ZNF600: variants seen among roughly 807,000 people sequenced by gnomAD.
ZNF600 encodes zinc finger protein 600, also known as zinc finger protein KR-ZNF1.
A neutral mutation model predicts 7.3 loss-of-function variants in ZNF600; 4 were observed. The observed-to-expected ratio is 0.55, with a 90% confidence interval of 0.27 to 1.25. ZNF600 has a LOEUF of 1.25. Among genes scored for constraint, ZNF600 ranks in the 50% most tolerant of loss-of-function variants. ZNF600 has a pLI of 0.12. For synonymous variants in ZNF600, 290 were observed against 308.9 expected (o/e 0.94, Z 0.64); for missense variants, 911 against 922.1 (o/e 0.99, Z 0.16).
the ZNF600 span, among the ~76,000 whole-genome samples, chr19:52,812,253 G>A: frequency 1.4e-5 from 2 of 138,732 alleles, no homozygotes; most frequent in Non-Finnish European, 3.0e-5. Context: ...CCACGACCCC[G>A]TCTGGGAGGT....
At chr19:52,810,143 G>T in the ZNF600 span, 2 of 903,900 alleles carry the variant, frequency 2.2e-6, no homozygotes, top group East Asian at 2.4e-5. Flanking sequence ...AGGGTGACCC[G>T]GGGCTGGAAG....
At chr19:52,786,562 A>T (rs544110119) in intron 1 of ZNF600, 33 bp downstream of exon 1, 1 of 169,426 alleles carries the variant, frequency 5.9e-6, no homozygotes, top group Non-Finnish European at 1.3e-5. Context: ...GAGCGACTTC[A>T]AACCCAAAAG....
chr19:52,832,050 T>C, the ZNF600 span, among the ~76,000 whole-genome samples: 2 of 141,058 alleles, frequency 1.4e-5, no homozygotes, highest in African/African-American at 5.1e-5. Context: ...ACCATGGGCT[T>C]ATCCATCCAC....
the ZNF600 span, chr19:52,807,815 A>G: frequency 3.0e-6 from 3 of 989,102 alleles, no homozygotes; most frequent in African/African-American, 3.3e-5. Flanking sequence ...TGGAAGCTCC[A>G]CTGAGCTATC....
chr19:52,827,815 G>A, the ZNF600 span, among the ~76,000 whole-genome samples: 1 of 152,008 alleles, frequency 6.6e-6, no homozygotes, highest in Admixed American at 6.6e-5. Context: ...AAAGTGCTGG[G>A]ATAACAGGCG....
chr19:52,833,511 G>A, the ZNF600 span, among the ~76,000 whole-genome samples: 5 of 152,174 alleles, frequency 3.3e-5, no homozygotes, highest in Non-Finnish European at 5.9e-5. Flanking sequence ...AGAAAGGAAA[G>A]AGACAGATTA....
chr19:52,765,545 A>G (rs1185983340), exon 4 of ZNF600: 2 of 1,612,898 alleles, frequency 1.2e-6, no homozygotes, highest in Non-Finnish European at 1.7e-6. Flanking sequence ...AATGATTTGC[A>G]ATGGTTGTAG....
At chr19:52,807,666 G>A in the ZNF600 span, among the ~76,000 whole-genome samples, 1 of 152,082 alleles carries the variant, frequency 6.6e-6, no homozygotes, top group Non-Finnish European at 1.5e-5. Context: ...GTACAGACAG[G>A]GTTTCTGCAT....
chr19:52,765,669 C>A (rs770562776), exon 4 of ZNF600: 3 of 1,614,038 alleles, frequency 1.9e-6, no homozygotes, highest in Non-Finnish European at 2.5e-6. Context: ...ACACTCATTA[C>A]ACTTGTAAGG....
chr19:52,782,890 A>G (rs559582272), intron 1 of ZNF600, among the ~76,000 whole-genome samples: 1 of 152,306 alleles, frequency 6.6e-6, no homozygotes, highest in African/African-American at 2.4e-5. Flanking sequence ...TAAAAAATAA[A>G]TAAATAAATA....
At chr19:52,817,824 G>C in the ZNF600 span, 6 of 1,560,572 alleles carry the variant, frequency 3.8e-6, no homozygotes, top group East Asian at 2.3e-5. Context: ...GGAAGGCATG[G>C]GTGAGGGTGA....
At chr19:52,817,927 C>T in the ZNF600 span, 106 of 1,610,110 alleles carry the variant, frequency 6.6e-5, no homozygotes, top group African/African-American at 9.5e-4. Flanking sequence ...AGCAATCCAC[C>T]GAGAATACCA....
rs755160348 is a variant in ZNF600 at position 52,766,726 on chromosome 19, G to A, written c.1237C>T (p.Gln413Ter). Residue 413 changes from glutamine to a stop codon, truncating the protein, a stop_gained, in exon 4 of 4, where the codon CAG becomes TAG. Transcript: ENST00000648973. LOFTEE classifies it low-confidence loss of function (END_TRUNC). Reference sequence around the variant, plus strand: ...TGAATTCTTTTATGTCTTGCCAGCTGAGAATTCCATGTGAAAGCTGTGTCA... The same window carrying A: ...TGAATTCTTTTATGTCTTGCCAGCTAAGAATTCCATGTGAAAGCTGTGTCA... 2 of 1,612,814 alleles carry A rather than the reference G, an allele frequency of 1.2e-6. No homozygotes were observed. The highest frequency in any genetic ancestry group is 1.7e-6 in the Non-Finnish European group (2 of 1,179,724).
chr19:52,807,348 A>C, the ZNF600 span, among the ~76,000 whole-genome samples: 2 of 152,222 alleles, frequency 1.3e-5, no homozygotes, highest in Admixed American at 6.5e-5. Flanking sequence ...CCTCATTCTG[A>C]ATGCTTGGGG....
the ZNF600 span, among the ~76,000 whole-genome samples, chr19:52,822,075 T>C: frequency 7.9e-5 from 2 of 25,430 alleles, no homozygotes; most frequent in South Asian, 7.9e-4. Flanking sequence ...TCTTTTTCCC[T>C]TTTTTTTTTT....
rs137948996 is a variant in ZNF600, at chr19:52,766,132, G to T, written c.1831C>A (p.His611Asn). The T allele has an allele frequency of 2.2e-5, 36 of 1,613,762 alleles. No individual in the cohort carries two copies. The African/African-American group carries it at 4.5e-4, about 20-fold the overall frequency. ...CCACTATGAAGTCTACGATGGCAAT[G>T]AAGGTATGACCTCTGACTGAAGGTC... The change falls in exon 4 of 4, where the codon CAT (histidine) becomes AAT (asparagine). Residue 611 changes from histidine (H) to asparagine (N), a missense_variant. Physicochemically the swap from His to Asn is moderately conservative, Grantham distance 68. Coordinates refer to ENST00000648973, the Ensembl canonical transcript of ZNF600.
chr19:52,827,729 TA>T, the ZNF600 span, among the ~76,000 whole-genome samples: 1 of 151,822 alleles, frequency 6.6e-6, no homozygotes, highest in Non-Finnish European at 1.5e-5. Context: ...GTATTTTTAG[TA>T]GAGACAGGGT....
chr19:52,816,687 T>C, the ZNF600 span, among the ~76,000 whole-genome samples: 3,507 of 116,464 alleles, frequency 0.03, 502 homozygotes, highest in African/African-American at 0.11. Flanking sequence ...AAAAAATTAG[T>C]TGGGGATGGT....
the ZNF600 span, chr19:52,800,207 A>C: frequency 6.2e-7 from 1 of 1,613,486 alleles, no homozygotes; most frequent in Non-Finnish European, 8.5e-7. Context: ...GTTTCTCTGC[A>C]GTATGAAGTT....
Sources: allele counts gnomAD v4.1 joint callset (sites outside exome capture counted in the v4.1 genomes callset), GRCh38; gene constraint gnomAD v4.1.1; transcripts MANE v1.5; gene names NCBI Gene and HGNC (gene_info 2026-07-23, HGNC 2026-07-21).